Variants in UIMC1 observed in about 807,000 individuals in gnomAD.
The protein encoded by UIMC1 is ubiquitin interaction motif containing 1.
In UIMC1, 42 loss-of-function variants were observed where a neutral mutation model predicts 84.9. The observed-to-expected ratio is 0.49, with a 90% CI of 0.39 to 0.64. UIMC1 has a LOEUF of 0.64. UIMC1 is among the 30% of genes least tolerant of loss of function. The pLI, the probability that UIMC1 is intolerant of heterozygous loss-of-function variation, is 0.00. For synonymous variants in UIMC1, 281 were observed against 293.0 expected (o/e 0.96, Z 0.42); for missense variants, 825 against 847.6 (o/e 0.97, Z 0.33).
intron 6 of UIMC1, among the ~76,000 whole-genome samples, chr5:176,966,671 T>G (rs189045143): frequency 0.011 from 1,625 of 152,228 alleles, 9 homozygotes; most frequent in South Asian, 0.025. Flanking sequence ...ATCTAGCTAC[T>G]TCAGAAAAAG....
At chr5:176,910,918 C>T (rs1444948351) in intron 11 of UIMC1, among the ~76,000 whole-genome samples, 2 of 151,872 alleles carry the variant, frequency 1.3e-5, no homozygotes, top group South Asian at 2.1e-4. Flanking sequence ...GGAGAAACCC[C>T]GCCTCTACTA....
Position 176,943,341 on chromosome 5 carries a change from C to T in UIMC1, c.1591G>A (p.Asp531Asn), listed in dbSNP as rs545077013. 72 of 1,613,670 alleles carry T rather than the reference C, an allele frequency of 4.5e-5. 1 individual carries two copies. In the South Asian group the frequency reaches 4.5e-4, roughly 10 times the overall value. Residue 531 changes from aspartate (D) to asparagine (N), a missense_variant, in exon 10 of 15, where the codon GAT (aspartate) becomes AAT (asparagine). Coordinates refer to ENST00000511320, the MANE Select transcript of UIMC1 (RefSeq NM_001199298.2). ...TGTCCTGCTGGGTCTTTACCTGTAT[C>T]TTCCTCCATCAGACCATTGCAGTAC... is the stretch of plus-strand genomic sequence containing the variant. The part of the protein sequence containing the change: ...AMYCNGLMEE[D>N]TVLTRRQKEA...
chr5:176,918,328 C>A (rs1761278155), intron 10 of UIMC1, among the ~76,000 whole-genome samples: 1 of 152,252 alleles, frequency 6.6e-6, no homozygotes, highest in Admixed American at 6.5e-5. Context: ...TCCAGCCTCT[C>A]AGTTCCCTGA....
upstream of UIMC1, among the ~76,000 whole-genome samples, chr5:177,010,560 G>C (rs1378267623): frequency 6.6e-6 from 1 of 150,782 alleles, no homozygotes; most frequent in Non-Finnish European, 1.5e-5. Context: ...TTTTTTTTGA[G>C]ACAAAATCTC....
At chr5:176,928,677 C>T (rs750400269) in intron 10 of UIMC1, among the ~76,000 whole-genome samples, 2 of 152,190 alleles carry the variant, frequency 1.3e-5, no homozygotes, top group South Asian at 2.1e-4. Flanking sequence ...ATCGGCTGAG[C>T]GCAGTGGCCC....
intron 2 of UIMC1, 93 bp downstream of exon 2, chr5:176,982,376 T>C: frequency 7.0e-7 from 1 of 1,435,828 alleles, no homozygotes; most frequent in Non-Finnish European, 9.4e-7. Flanking sequence ...TGAGCTGGCA[T>C]TAAGGTGAAG....
intron 1 of UIMC1, among the ~76,000 whole-genome samples, chr5:176,989,299 G>C (rs62398692): frequency 6.6e-6 from 1 of 152,122 alleles, no homozygotes; most frequent in South Asian, 2.1e-4. Flanking sequence ...GATAAAACTC[G>C]ACACACAAAC....
At chr5:177,007,493 A>G (rs1429685906), upstream of UIMC1, among the ~76,000 whole-genome samples, 1 of 152,188 alleles carries the variant, frequency 6.6e-6, no homozygotes, top group Non-Finnish European at 1.5e-5. Context: ...AAAACACCAA[A>G]TGTCCCTACA....
At chr5:177,005,767 A>C (rs1775165643) in intron 1 of UIMC1, among the ~76,000 whole-genome samples, 1 of 152,052 alleles carries the variant, frequency 6.6e-6, no homozygotes, top group African/African-American at 2.4e-5. Flanking sequence ...TCCGGGTGTC[A>C]TTTCTATATC....
intron 9 of UIMC1, among the ~76,000 whole-genome samples, chr5:176,949,604 T>C (rs993014169): frequency 6.6e-6 from 1 of 152,188 alleles, no homozygotes; most frequent in African/African-American, 2.4e-5. Context: ...AGTGTCATCA[T>C]CTTTCCTACC....
intron 1 of UIMC1, among the ~76,000 whole-genome samples, chr5:176,998,703 G>A (rs1157958250): frequency 6.6e-6 from 1 of 151,862 alleles, no homozygotes; most frequent in Non-Finnish European, 1.5e-5. Context: ...GGCGGTGGAG[G>A]TTGCGGTGAG....
At chr5:176,987,379 CTCA>C (rs2149515686) in intron 1 of UIMC1, among the ~76,000 whole-genome samples, 1 of 152,186 alleles carries the variant, frequency 6.6e-6, no homozygotes, top group South Asian at 2.1e-4. Context: ...GGCACAGTGG[CTCA>C]TGTTTATAAT....
At chr5:176,929,651 G>A (rs953025525) in intron 10 of UIMC1, among the ~76,000 whole-genome samples, 1 of 152,108 alleles carries the variant, frequency 6.6e-6, no homozygotes. Flanking sequence ...CAGTGGCCAC[G>A]AGTTGATGAA....
At chr5:176,917,263 T>G (rs1761100345) in intron 10 of UIMC1, among the ~76,000 whole-genome samples, 1 of 152,152 alleles carries the variant, frequency 6.6e-6, no homozygotes, top group Admixed American at 6.5e-5. Context: ...CAGTCTCAAT[T>G]AAAGGCTATT....
chr5:176,965,246 C>A (rs978770848), intron 6 of UIMC1, among the ~76,000 whole-genome samples: 1 of 151,998 alleles, frequency 6.6e-6, no homozygotes, highest in Non-Finnish European at 1.5e-5. Context: ...ACGGTGAAAA[C>A]CCTTCTCTAT....
rs1273149256 is a variant in UIMC1 at position 176,908,619 on chromosome 5, C to A, written c.1752G>T (p.Gln584His). The change falls in exon 12 of 15, where the codon CAG becomes CAT. Residue 584 changes from glutamine (Q) to histidine (H), a missense_variant. Gln to His is a conservative substitution (Grantham distance 24). Transcript: ENST00000511320. ...EYQCHVDSCL[Q>H]LAKADQGDGP... ...CATCTCCTTGGTCAGCCTTTGCAAG[C>A]TGGAGACAGGAGTCCACATGACACT... 1 of 1,614,196 alleles carries A rather than the reference C, an allele frequency of 6.2e-7. No individual in the cohort carries two copies. The highest frequency in any genetic ancestry group is 1.3e-5 in the African/African-American group (1 of 75,052).
intron 3 of UIMC1, among the ~76,000 whole-genome samples, chr5:176,974,984 T>C (rs1769839393): frequency 6.6e-6 from 1 of 151,664 alleles, no homozygotes; most frequent in South Asian, 2.1e-4. Context: ...CAGGACCCTG[T>C]GTTAAAAAAA....
intron 6 of UIMC1, among the ~76,000 whole-genome samples, chr5:176,961,958 C>G (rs1245225060): frequency 1.6e-5 from 1 of 62,114 alleles, no homozygotes; most frequent in Non-Finnish European, 3.3e-5. Context: ...GTCGGCCCCC[C>G]GCCCGGCCAG....
At chr5:176,912,474 G>GT (rs57570046) in intron 10 of UIMC1, among the ~76,000 whole-genome samples, 42,150 of 129,884 alleles carry the variant, frequency 0.32, 7,626 homozygotes, top group East Asian at 0.51. Context: ...ACTGTTTTTT[G>GT]TTTTTTTTTT....
Sources: allele counts gnomAD v4.1 joint callset (sites outside exome capture counted in the v4.1 genomes callset), GRCh38; gene constraint gnomAD v4.1.1; transcripts MANE v1.5; gene names NCBI Gene and HGNC (gene_info 2026-07-23, HGNC 2026-07-21).